GJC1: variants seen among roughly 807,000 people sequenced by gnomAD.
The protein encoded by GJC1 is gap junction gamma-1 protein.
A neutral mutation model predicts 29.3 loss-of-function variants in GJC1; 5 were observed. The ratio of observed to expected loss-of-function variants is 0.17; its 90% CI spans 0.09 to 0.36. The LOEUF (loss-of-function observed/expected upper bound fraction) is 0.36. Among genes scored for constraint, GJC1 ranks in the 10% least tolerant of loss-of-function variants. The pLI, the probability that GJC1 is intolerant of heterozygous loss-of-function variation, is 1.00. For synonymous variants in GJC1, 177 were observed against 183.3 expected, an observed-to-expected ratio of 0.97 and a Z score of 0.28; for missense variants, 310 against 496.2, an observed-to-expected ratio of 0.62 and a Z score of 3.56.
At chr17:44,816,712 T>C (rs750410733) in intron 1 of GJC1, among the ~76,000 whole-genome samples, 2 of 152,030 alleles carry the variant, frequency 1.3e-5, no homozygotes. Context: ...CACCTTGTTA[T>C]CCAGGCTGGT....
chr17:44,812,655 T>A (rs1357317647), intron 1 of GJC1, among the ~76,000 whole-genome samples: 1 of 152,062 alleles, frequency 6.6e-6, no homozygotes, highest in African/African-American at 2.4e-5. Flanking sequence ...AATGAACTTT[T>A]TTTTTTTTAA....
chr17:44,816,723 C>G (rs565336928), intron 1 of GJC1, among the ~76,000 whole-genome samples: 1 of 151,204 alleles, frequency 6.6e-6, no homozygotes, highest in Admixed American at 6.6e-5. Context: ...CCAGGCTGGT[C>G]TCGAACTCCT....
chr17:44,812,523 C>T (rs980921863), intron 1 of GJC1, among the ~76,000 whole-genome samples: 2 of 152,046 alleles, frequency 1.3e-5, no homozygotes, highest in Non-Finnish European at 2.9e-5. Flanking sequence ...CAAACACACA[C>T]AAAAAAACCC....
chr17:44,803,360 T>G lies in GJC1; in HGVS notation c.*1267A>C, dbSNP rs1331300535. 1.3e-5 allele frequency: 2 copies of G among 152,146 alleles called. No individual in the cohort carries two copies. Among genetic ancestry groups the G allele is most frequent in the Non-Finnish European group, 2.9e-5 (2 of 68,018 alleles). The allele number at this position is 152,146 out of a possible 1,614,324, so 9.4% of individuals were successfully genotyped here. A position where few individuals can be genotyped will look rare whatever the true frequency, so the allele number is the denominator to read the frequency against. On this transcript the variant is annotated 3_prime_UTR_variant, in exon 3 of 3. Coordinates refer to ENST00000592524, the MANE Select transcript of GJC1 (RefSeq NM_005497.4). ...AAGGCTGAAAATGACAATAAAAGAC[T>G]GCAATAAAAGACTAGTGGGATGAAC...
At position 44,805,576 on chromosome 17, in the gene GJC1, A is replaced by T; in HGVS notation, c.242T>A (p.Ile81Asn). Residue 81 changes from isoleucine (I) to asparagine (N), a missense_variant, in exon 3 of 3, where the codon ATC (isoleucine) becomes AAC (asparagine). Ile to Asn is a moderately radical substitution (Grantham distance 149). Transcript: ENST00000592524. The surrounding 1 kb of genome is among the most constrained non-coding windows in gnomAD (Gnocchi z 5.1). ...LSHVRFWVFQ[I>N]ILVATPSVMY... is the part of the protein sequence containing the mutation. ...CACAGAGGGAGTTGCCACCAGGATG[A>T]TCTGGAACACCCAGAAGCGTACATG... The T allele has an allele frequency of 6.2e-7, 1 of 1,614,188 alleles. No individual in the cohort carries two copies. The highest frequency in any genetic ancestry group is 8.5e-7 in the Non-Finnish European group (1 of 1,180,008).
chr17:44,818,331 C>G (rs1476160224), intron 1 of GJC1, among the ~76,000 whole-genome samples: 1 of 152,090 alleles, frequency 6.6e-6, no homozygotes, highest in Non-Finnish European at 1.5e-5. Context: ...TAAAACAGAA[C>G]AAGCTTTCTT....
chr17:44,804,544 A>T lies in GJC1; in HGVS notation c.*83T>A. ...CATCCCTGAAGATAACCAGAGCCAA[A>T]TGTTTACTCAATGGAAGTCATTATT... On this transcript the variant is annotated 3_prime_UTR_variant, in exon 3 of 3. Coordinates refer to ENST00000592524, the MANE Select transcript of GJC1 (RefSeq NM_005497.4). 6.4e-6 allele frequency: 7 copies of T among 1,094,910 alleles called. No homozygotes were observed. Among genetic ancestry groups the T allele is most frequent in the Non-Finnish European group, 9.4e-6 (7 of 744,478 alleles). The allele number at this position is 1,094,910 out of a possible 1,614,324, so 67.8% of individuals were successfully genotyped here.
intron 1 of GJC1, among the ~76,000 whole-genome samples, chr17:44,809,890 G>A (rs1038601321): frequency 6.6e-5 from 9 of 135,998 alleles, no homozygotes; most frequent in African/African-American, 1.9e-4. Context: ...AGACAGTCTC[G>A]CTTTTTTGGC....
chr17:44,819,384 C>A (rs562678715), intron 1 of GJC1, among the ~76,000 whole-genome samples: 1 of 152,168 alleles, frequency 6.6e-6, no homozygotes, highest in African/African-American at 2.4e-5. Context: ...TTTGGCCAGG[C>A]GCGGTGGCTC....
chr17:44,820,612 G>A (rs947222914), intron 1 of GJC1, among the ~76,000 whole-genome samples: 9 of 152,240 alleles, frequency 5.9e-5, no homozygotes, highest in South Asian at 2.1e-4. Context: ...GAAAATTTGC[G>A]GTTGGACTAA....
At chr17:44,817,769 T>C (rs1203859478) in intron 1 of GJC1, among the ~76,000 whole-genome samples, 2 of 151,888 alleles carry the variant, frequency 1.3e-5, no homozygotes, top group Non-Finnish European at 2.9e-5. Context: ...ACTTATTAAG[T>C]AGCAAAGCCA....
chr17:44,820,191 A>C (rs2050092471), intron 1 of GJC1, among the ~76,000 whole-genome samples: 2 of 152,028 alleles, frequency 1.3e-5, no homozygotes, highest in South Asian at 4.2e-4. Context: ...CAAACTCCTG[A>C]CCTCAGGTTA....
chr17:44,813,310 G>C (rs1252126295), intron 1 of GJC1: 2 of 151,352 alleles, frequency 1.3e-5, no homozygotes, highest in Non-Finnish European at 2.9e-5. Context: ...TTCACCCTTC[G>C]GCTTCCCAAA....
chr17:44,807,064 T>C (rs770379385), intron 2 of GJC1, among the ~76,000 whole-genome samples: 8 of 152,212 alleles, frequency 5.3e-5, no homozygotes, highest in Non-Finnish European at 1.2e-4. Context: ...CCCTTTACTA[T>C]ATAACAGAAT....
rs549305325 is a variant in GJC1 at position 44,798,877 on chromosome 17, C to T, written c.*5750G>A. ...CCAACTCTGAAATGCAGAACTAGTA[C>T]CTTTTTTATTTGAGTCTCACTCCAT... On this transcript the variant is annotated 3_prime_UTR_variant, in exon 3 of 3. Transcript: ENST00000592524. 1 of 152,262 alleles carries T rather than the reference C, an allele frequency of 6.6e-6. No individual in the cohort carries two copies. The highest frequency in any genetic ancestry group is 1.9e-4 in the East Asian group (1 of 5,186). The allele number at this position is 152,262 out of a possible 1,614,324, so 9.4% of individuals were successfully genotyped here. A position where few individuals can be genotyped will look rare whatever the true frequency, so the allele number is the denominator to read the frequency against.
chr17:44,804,377 C>A lies in GJC1; in HGVS notation c.*250G>T, dbSNP rs755952077. On this transcript the variant is annotated 3_prime_UTR_variant, in exon 3 of 3. Transcript: ENST00000592524. ...ATGATTTAAATATGTCTGTTCTTCT[C>A]CAGATCTGGAAGACACAAATGTAAA... 1 of 453,974 alleles carries A rather than the reference C, an allele frequency of 2.2e-6. No individual in the cohort carries two copies. Among genetic ancestry groups the A allele is most frequent in the Non-Finnish European group, 3.9e-6 (1 of 257,686 alleles). 28.1% of individuals were successfully genotyped at this position (453,974 alleles called of 1,614,324 possible).
intron 1 of GJC1, among the ~76,000 whole-genome samples, chr17:44,823,081 A>G (rs1203915474): frequency 2.6e-5 from 4 of 152,136 alleles, no homozygotes; most frequent in Non-Finnish European, 4.4e-5. Context: ...ATTAAGCCAA[A>G]ACTGATAAAT....
Position 44,805,835 on chromosome 17 carries a change from G to A in GJC1, c.-18C>T, listed in dbSNP as rs768117358. On this transcript the variant is annotated splice_region_variant and 5_prime_UTR_variant, in exon 3 of 3. Coordinates refer to ENST00000592524, the MANE Select transcript of GJC1 (RefSeq NM_005497.4). This position sits in a 1 kb window ranked among gnomAD's most constrained non-coding sequence, Gnocchi z 5.1. ...CAACTCATGGTGATTGAATTGGTAT[G>A]CCCTGATAAAAGTGGAAAAATACCA... 6 of 1,424,560 alleles carry A rather than the reference G, an allele frequency of 4.2e-6. No homozygotes were observed. In the African/African-American group the frequency reaches 5.7e-5, roughly 14 times the overall value. 88.2% of individuals were successfully genotyped at this position (1,424,560 alleles called of 1,614,324 possible).
At chr17:44,819,514 C>T (rs1413559028) in intron 1 of GJC1, among the ~76,000 whole-genome samples, 5 of 151,664 alleles carry the variant, frequency 3.3e-5, no homozygotes, top group African/African-American at 9.7e-5. Context: ...AAAAATTAGT[C>T]GGGTGTGGTG....
Sources: gnomAD v4.1 joint callset for allele counts (sites outside exome capture counted in the v4.1 genomes callset) on GRCh38, gnomAD v4.1.1 for gene constraint, Gnocchi (gnomAD v3.1) non-coding constraint, MANE v1.5 for transcripts, NCBI Gene and HGNC (gene_info 2026-07-23, HGNC 2026-07-21) for gene names.